Variants in WWTR1 observed in about 807,000 individuals in gnomAD.
WWTR1 encodes WW domain-containing transcription regulator protein 1.
In WWTR1, 13 loss-of-function variants were observed where a neutral mutation model predicts 40.1. The observed-to-expected ratio is 0.32, with a 90% confidence interval of 0.21 to 0.52. The LOEUF is 0.52. Among genes scored for constraint, WWTR1 ranks in the 20% least tolerant of loss-of-function variants. The pLI is 0.97. For missense variants in WWTR1, 436 were observed against 523.1 expected (o/e 0.83, Z 1.63); for synonymous variants, 230 against 210.1 (o/e 1.09, Z -0.82).
chr3:149,542,242 T>C (rs1030405888), intron 4 of WWTR1, 93 bp downstream of exon 4: 40 of 1,412,840 alleles, frequency 2.8e-5, no homozygotes, highest in Non-Finnish European at 3.7e-5. Flanking sequence ...TCTTCTTCTC[T>C]AGAAGAATTA....
chr3:149,556,722 A>C (rs1289121423), intron 3 of WWTR1, among the ~76,000 whole-genome samples: 1 of 152,184 alleles, frequency 6.6e-6, no homozygotes, highest in African/African-American at 2.4e-5. Context: ...GGATGGGGGA[A>C]CAGACAGAAA....
chr3:149,695,767 A>C (rs1714965372), intron 1 of WWTR1, among the ~76,000 whole-genome samples: 1 of 145,626 alleles, frequency 6.9e-6, no homozygotes, highest in Non-Finnish European at 1.5e-5. Context: ...TCTCAAAAAA[A>C]AAAAAAACAA....
chr3:149,590,757 T>G (rs1207529826), intron 2 of WWTR1, among the ~76,000 whole-genome samples: 1 of 152,172 alleles, frequency 6.6e-6, no homozygotes, highest in East Asian at 1.9e-4. Flanking sequence ...GGTCTAGGGC[T>G]TTTTCCATGA....
At chr3:149,529,101 G>GTAA (rs1277599533) in intron 4 of WWTR1, among the ~76,000 whole-genome samples, 1 of 152,094 alleles carries the variant, frequency 6.6e-6, no homozygotes, top group Non-Finnish European at 1.5e-5. Context: ...GAATACTTTT[G>GTAA]TATGTTTACA....
chr3:149,720,281 G>A (rs996399839), intron 4 of WWTR1, among the ~76,000 whole-genome samples: 2 of 152,068 alleles, frequency 1.3e-5, no homozygotes, highest in Non-Finnish European at 2.9e-5. Context: ...GATCTACTTT[G>A]AGCTAAATTA....
At chr3:149,559,258 C>T (rs1233128431) in intron 3 of WWTR1, among the ~76,000 whole-genome samples, 2 of 135,082 alleles carry the variant, frequency 1.5e-5, no homozygotes, top group African/African-American at 5.7e-5. Flanking sequence ...CATGCCACTG[C>T]ACTCCAGCCT....
chr3:149,522,848 C>T (rs1007470354), intron 6 of WWTR1, among the ~76,000 whole-genome samples: 2 of 151,826 alleles, frequency 1.3e-5, no homozygotes, highest in Admixed American at 6.6e-5. Flanking sequence ...AACAGCCTTG[C>T]CAACATGGTG....
In WWTR1 at chr3:149,656,764, T is replaced by TC. The variant is rs1560106326; in HGVS notation, c.431+111_431+112insG. ...GGAAGGACACGCACCATCTCTCTCT[T>TC]TCTCTCTCTCTCTCTCTCTCTCTCT... is the stretch of plus-strand genomic sequence containing the variant. On this transcript the variant is annotated intron_variant, in intron 2 of 6. Transcript: ENST00000360632. 1,086 of 468,360 alleles carry TC rather than the reference T, an allele frequency of 2.3e-3. 12 individuals are homozygous for TC. The African/African-American group carries it at 0.033, about 14-fold the overall frequency. The allele number at this position is 468,360 out of a possible 1,614,324, so 29.0% of individuals were successfully genotyped here.
At chr3:149,580,768 A>G (rs1482851734) in intron 2 of WWTR1, among the ~76,000 whole-genome samples, 2 of 151,980 alleles carry the variant, frequency 1.3e-5, no homozygotes, top group Non-Finnish European at 2.9e-5. Flanking sequence ...GTGTGCCACC[A>G]CACCTGGCTA....
chr3:149,552,657 T>C (rs1282627682), intron 3 of WWTR1, among the ~76,000 whole-genome samples: 1 of 152,198 alleles, frequency 6.6e-6, no homozygotes. Flanking sequence ...TACAAACTCA[T>C]CACTTTCCCC....
At chr3:149,649,377 C>T (rs1024412417) in intron 2 of WWTR1, among the ~76,000 whole-genome samples, 18 of 152,224 alleles carry the variant, frequency 1.2e-4, no homozygotes, top group African/African-American at 3.9e-4. Context: ...GGAAGATCAT[C>T]GCCCCTTTCA....
chr3:149,623,205 A>G (rs930726958), intron 2 of WWTR1, among the ~76,000 whole-genome samples: 3 of 151,994 alleles, frequency 2.0e-5, no homozygotes, highest in Admixed American at 6.5e-5. Flanking sequence ...CTACCAAAAA[A>G]ATACAAAATT....
At chr3:149,597,513 C>T (rs548278985) in intron 2 of WWTR1, among the ~76,000 whole-genome samples, 4 of 151,194 alleles carry the variant, frequency 2.6e-5, no homozygotes, top group South Asian at 4.2e-4. Context: ...GGCGTGGCAG[C>T]GCACACCTGA....
intron 1 of WWTR1, among the ~76,000 whole-genome samples, chr3:149,670,096 C>G (rs1272973380): frequency 2.0e-5 from 3 of 152,208 alleles, no homozygotes; most frequent in African/African-American, 7.2e-5. Flanking sequence ...GCTCTAGCAC[C>G]CAGCTGGGCT....
chr3:149,519,558 T>C lies in WWTR1; in HGVS notation c.*1247A>G, dbSNP rs908366861. The C allele has an allele frequency of 6.6e-6, 1 of 152,248 alleles. No individual in the cohort carries two copies. The highest frequency in any genetic ancestry group is 1.5e-5 in the Non-Finnish European group (1 of 68,050). The allele number at this position is 152,248 out of a possible 1,614,324, so 9.4% of individuals were successfully genotyped here. On this transcript the variant is annotated 3_prime_UTR_variant, in exon 7 of 7. Transcript: ENST00000360632. ...TGTTGTCCTGATGTTTTCAGAGTTATTTCAAAAGACAAAAATACAGTTGCC... is the reference window on the plus strand; with the variant it reads ...TGTTGTCCTGATGTTTTCAGAGTTACTTCAAAAGACAAAAATACAGTTGCC...
chr3:149,540,508 C>T (rs989762307), intron 4 of WWTR1, among the ~76,000 whole-genome samples: 2 of 152,158 alleles, frequency 1.3e-5, no homozygotes, highest in Non-Finnish European at 2.9e-5. Flanking sequence ...CTCACTAAAG[C>T]TCATTTAAGT....
chr3:149,631,304 AT>A (rs1711542382), intron 2 of WWTR1, among the ~76,000 whole-genome samples: 1 of 152,166 alleles, frequency 6.6e-6, no homozygotes, highest in Non-Finnish European at 1.5e-5. Flanking sequence ...CTTTAAAATA[AT>A]TTTTTTAAGT....
At chr3:149,594,677 T>C (rs1223392392) in intron 2 of WWTR1, among the ~76,000 whole-genome samples, 1 of 151,952 alleles carries the variant, frequency 6.6e-6, no homozygotes, top group Non-Finnish European at 1.5e-5. Context: ...AAATGCAATA[T>C]GTGAATCTGA....
At chr3:149,672,150 C>A (rs958710974) in intron 1 of WWTR1, among the ~76,000 whole-genome samples, 5 of 151,930 alleles carry the variant, frequency 3.3e-5, no homozygotes, top group African/African-American at 1.2e-4. Flanking sequence ...AACAAACAAA[C>A]AAACAAAAAA....
Sources: allele counts gnomAD v4.1 joint callset (sites outside exome capture counted in the v4.1 genomes callset), GRCh38; gene constraint gnomAD v4.1.1; transcripts MANE v1.5; gene names NCBI Gene and HGNC (gene_info 2026-07-23, HGNC 2026-07-21).